Variants in CYP46A1 observed in about 807,000 individuals in gnomAD.
The protein encoded by CYP46A1 is cytochrome P450 family 46 subfamily A member 1, also known as cholesterol 24-hydroxylase.
A neutral mutation model predicts 63.3 loss-of-function variants in CYP46A1; 20 were observed. The observed-to-expected ratio is 0.32, with a 90% CI of 0.22 to 0.46. The LOEUF (loss-of-function observed/expected upper bound fraction) is 0.46. Ranked by LOEUF, CYP46A1 falls within the 20% of genes least tolerant of loss-of-function variation. CYP46A1 has a pLI of 1.00. For missense variants in CYP46A1, 445 were observed against 670.8 expected, an observed-to-expected ratio of 0.66 and a Z score of 3.72; for synonymous variants, 268 against 273.6, an observed-to-expected ratio of 0.98 and a Z score of 0.20.
rs267604122 is a variant in CYP46A1 at position 99,707,614 on chromosome 14, C to T, written c.629C>T (p.Pro210Leu). 1 of 1,614,148 alleles carries T rather than the reference C, an allele frequency of 6.2e-7. No individual in the cohort carries two copies. Among genetic ancestry groups the T allele is most frequent in the Admixed American group, 1.7e-5 (1 of 60,018 alleles). Residue 210 changes from proline (P) to leucine (L), a missense_variant, in exon 7 of 15, where the codon CCT (proline) becomes CTT (leucine). Pro to Leu is a moderately conservative substitution (Grantham distance 98). Transcript: ENST00000261835. ...AGTATGCTGCTGGGTGCCCAGAAGC[C>T]TCTGTCCCAGGCAGTGAAACTTATG... ...ETSMLLGAQKPLSQAVKLMLE... is the reference protein window; with the variant it reads ...ETSMLLGAQKLLSQAVKLMLE...
At chr14:99,690,638 G>C (rs572374599) in intron 1 of CYP46A1, among the ~76,000 whole-genome samples, 10 of 152,288 alleles carry the variant, frequency 6.6e-5, no homozygotes, top group Admixed American at 5.9e-4. Context: ...GGTACCAGCT[G>C]TGCAATTGTG....
chr14:99,724,932 C>G (rs905038807), intron 12 of CYP46A1, among the ~76,000 whole-genome samples: 2 of 152,106 alleles, frequency 1.3e-5, no homozygotes, highest in East Asian at 3.9e-4. Context: ...TTCCTCCACT[C>G]CCACCCCTGC....
chr14:99,700,335 G>A (rs2056620989), intron 5 of CYP46A1, among the ~76,000 whole-genome samples: 1 of 152,150 alleles, frequency 6.6e-6, no homozygotes, highest in Non-Finnish European at 1.5e-5. Context: ...GAACATCAAG[G>A]GCTGAGTGCC....
intron 7 of CYP46A1, among the ~76,000 whole-genome samples, chr14:99,715,111 A>C (rs547443547): frequency 9.6e-4 from 146 of 152,324 alleles, no homozygotes; most frequent in Non-Finnish European, 2.0e-3. Context: ...AGCTAACAGC[A>C]AGGTATTGTA....
intron 9 of CYP46A1, 57 bp downstream of exon 9, chr14:99,716,256 A>G (rs2140135175): frequency 6.3e-7 from 1 of 1,579,214 alleles, no homozygotes; most frequent in Non-Finnish European, 8.7e-7. Context: ...GCTGTGGACC[A>G]TGGATCCCTC....
chr14:99,700,401 C>T lies in CYP46A1; in HGVS notation c.443+300C>T, dbSNP rs143928851. On this transcript the variant is annotated intron_variant, in intron 5 of 14. Transcript: ENST00000261835. ...CCTCCAAGAGCTCCCCACATCAGAC[C>T]TCATCACTCCTTGTCAGGGCTTCTT... Among the ~76,000 whole-genome samples, 250 of 152,284 alleles carry T rather than the reference C, an allele frequency of 1.6e-3. 3 individuals carry two copies. The highest frequency in any genetic ancestry group is 8.1e-4 in the Non-Finnish European group (55 of 68,000).
chr14:99,714,229 G>A (rs533367396), intron 7 of CYP46A1, among the ~76,000 whole-genome samples: 3 of 152,242 alleles, frequency 2.0e-5, no homozygotes, highest in South Asian at 2.1e-4. Flanking sequence ...TAACAGATGC[G>A]GGTGAGGATA....
At position 99,707,780 on chromosome 14, in the gene CYP46A1, G is replaced by C; in HGVS notation, c.693+102G>C. The C allele has an allele frequency of 3.1e-6, 3 of 981,722 alleles. No individual in the cohort carries two copies. In the Admixed American group the frequency reaches 6.7e-5, roughly 22 times the overall value. The allele number at this position is 981,722 out of a possible 1,614,324, so 60.8% of individuals were successfully genotyped here. On this transcript the variant is annotated intron_variant, in intron 7 of 14. Coordinates refer to ENST00000261835, the MANE Select transcript of CYP46A1 (RefSeq NM_006668.2). ...ATTTTTTTTTTTTTTCCCAGAATGG[G>C]TTTTGAGTTCTGGTATGTCTGAAGT...
chr14:99,713,903 T>C (rs1182650848), intron 7 of CYP46A1, among the ~76,000 whole-genome samples: 1 of 139,522 alleles, frequency 7.2e-6, no homozygotes, highest in Non-Finnish European at 1.5e-5. Flanking sequence ...CGTGTGACTA[T>C]ATTAAATGTG....
chr14:99,688,735 T>G (rs774911768), intron 1 of CYP46A1, among the ~76,000 whole-genome samples: 18 of 152,198 alleles, frequency 1.2e-4, no homozygotes, highest in Non-Finnish European at 2.4e-4. Context: ...TGCCTGCCTT[T>G]GGGCCTCCCT....
At chr14:99,709,215 T>C (rs1178029525) in intron 7 of CYP46A1, 1 of 152,074 alleles carries the variant, frequency 6.6e-6, no homozygotes, top group Non-Finnish European at 1.5e-5. Flanking sequence ...GAAAATAAAA[T>C]TTATTATATG....
At position 99,703,857 on chromosome 14, in the gene CYP46A1, C is replaced by T. The variant is rs114521192; in HGVS notation, c.444-2790C>T. 1.6e-3 allele frequency: 1,528 copies of T among 985,272 alleles called. 14 individuals are homozygous for T. The African/African-American group carries it at 0.024, about 15-fold the overall frequency. 61.0% of individuals were successfully genotyped at this position (985,272 alleles called of 1,614,324 possible). A position where few individuals can be genotyped will look rare whatever the true frequency, so the allele number is the denominator to read the frequency against. ...GTGAATCAATGAATTGGAATAGTCT[C>T]AGTCTTACTGGAAAGTTGTCAGAAG... On this transcript the variant is annotated intron_variant, in intron 5 of 14. Coordinates refer to ENST00000261835, the MANE Select transcript of CYP46A1 (RefSeq NM_006668.2).
chr14:99,691,418 G>T, intron 2 of CYP46A1: 2 of 588,756 alleles, frequency 3.4e-6, no homozygotes, highest in Non-Finnish European at 3.0e-6. Flanking sequence ...AACTGGGTGG[G>T]GGGGTGTGAC....
In CYP46A1 at chr14:99,691,097, C is replaced by T. The variant is rs2056539394; in HGVS notation, c.136C>T (p.Leu46Phe). 6.2e-7 allele frequency: 1 copy of T among 1,614,122 alleles called. No individual in the cohort carries two copies. Among genetic ancestry groups the T allele is most frequent in the Non-Finnish European group, 8.5e-7 (1 of 1,180,020 alleles). The change falls in exon 2 of 15, where the codon CTC (leucine) becomes TTC (phenylalanine). Residue 46 changes from leucine to phenylalanine, a missense_variant. Leu to Phe is a conservative substitution (Grantham distance 22). Transcript: ENST00000261835. ...PPRPSFLLGHLPCFWKKDEVG... is the reference protein window; with the variant it reads ...PPRPSFLLGHFPCFWKKDEVG... ...TTCTTCTAGTTTCCTTCTAGGACAC[C>T]TCCCCTGCTTTTGGAAAAAGGATGA...
intron 14 of CYP46A1, 89 bp from the exon 15 acceptor site, chr14:99,726,468 G>T: frequency 7.4e-7 from 1 of 1,347,316 alleles, no homozygotes; most frequent in Non-Finnish European, 1.0e-6. Context: ...TCTCCAGGAG[G>T]AGAGCCGGCT....
intron 1 of CYP46A1, among the ~76,000 whole-genome samples, chr14:99,686,435 G>A (rs2056495014): frequency 6.6e-6 from 1 of 152,118 alleles, no homozygotes; most frequent in African/African-American, 2.4e-5. Flanking sequence ...TGCAGCCATC[G>A]CCACCGATTT....
At chr14:99,697,444 T>C (rs1023379190) in intron 3 of CYP46A1, among the ~76,000 whole-genome samples, 5 of 152,210 alleles carry the variant, frequency 3.3e-5, no homozygotes, top group African/African-American at 1.2e-4. Context: ...ACTTGGCACG[T>C]CTGCTGGACT....
chr14:99,707,499 C>A, intron 6 of CYP46A1, 69 bp from the exon 7 acceptor site: 2 of 1,288,886 alleles, frequency 1.6e-6, no homozygotes, highest in Non-Finnish European at 1.1e-6. Flanking sequence ...CAGAATGATG[C>A]CAGGCTTTGC....
intron 7 of CYP46A1, among the ~76,000 whole-genome samples, chr14:99,715,208 C>T (rs1283220149): frequency 6.6e-6 from 1 of 152,164 alleles, no homozygotes; most frequent in Non-Finnish European, 1.5e-5. Flanking sequence ...GCTGATTTGA[C>T]CATTGCACAT....
Sources: gnomAD v4.1 joint callset for allele counts (sites outside exome capture counted in the v4.1 genomes callset) on GRCh38, gnomAD v4.1.1 for gene constraint, MANE v1.5 for transcripts, NCBI Gene and HGNC (gene_info 2026-07-23, HGNC 2026-07-21) for gene names.